Variants in CENPF observed in about 807,000 individuals in gnomAD.
CENPF encodes centromere protein F, also known as AH antigen.
In CENPF, 214 loss-of-function variants were observed where a neutral mutation model predicts 307.3. That is an observed-to-expected ratio of 0.70 (90% CI 0.62 to 0.78). The LOEUF (loss-of-function observed/expected upper bound fraction) is 0.78. CENPF is among the 30% of genes least tolerant of loss of function. The pLI, the probability that CENPF is intolerant of heterozygous loss-of-function variation, is 0.00. For missense variants in CENPF, 3,401 were observed against 3,483.9 expected, an observed-to-expected ratio of 0.98 and a Z score of 0.60; for synonymous variants, 1,259 against 1,270.6, an observed-to-expected ratio of 0.99 and a Z score of 0.19.
intron 1 of CENPF, among the ~76,000 whole-genome samples, chr1:214,611,175 T>C (rs1657190905): frequency 6.6e-6 from 1 of 152,220 alleles, no homozygotes; most frequent in Admixed American, 6.5e-5. Context: ...TTATTTTTGG[T>C]TCCATATCAA....
intron 17 of CENPF, among the ~76,000 whole-genome samples, chr1:214,656,122 G>T (rs970937772): frequency 6.6e-6 from 1 of 152,298 alleles, no homozygotes; most frequent in Admixed American, 6.5e-5. Flanking sequence ...AAGGGAACGG[G>T]TGAGGGTGGG....
At chr1:214,662,660 G>A (rs1658817589) in intron 19 of CENPF, among the ~76,000 whole-genome samples, 1 of 152,232 alleles carries the variant, frequency 6.6e-6, no homozygotes, top group South Asian at 2.1e-4. Flanking sequence ...CTCTTTGAAA[G>A]ATCTTCCTAC....
Position 214,632,470 on chromosome 1 carries a change from C to A in CENPF, c.1324-10C>A, listed in dbSNP as rs1334102374. 3 of 1,604,092 alleles carry A rather than the reference C, an allele frequency of 1.9e-6. No individual in the cohort carries two copies. Among genetic ancestry groups the A allele is most frequent in the Non-Finnish European group, 1.7e-6 (2 of 1,177,208 alleles). ...TGAAAATGAAACTTGGTCTCTTTTT[C>A]TTTTTGTAGCTCACATCAGTAAAGC... On this transcript the variant is annotated splice_polypyrimidine_tract_variant and intron_variant, in intron 9 of 19. Transcript: ENST00000366955.
intron 1 of CENPF, among the ~76,000 whole-genome samples, chr1:214,611,041 G>A (rs1429829137): frequency 6.6e-6 from 1 of 152,078 alleles, no homozygotes; most frequent in African/African-American, 2.4e-5. Context: ...TGGTCTATGT[G>A]TCTGATTTTG....
chr1:214,605,609 G>C (rs1261169241), intron 1 of CENPF: 1 of 1,377,490 alleles, frequency 7.3e-7, no homozygotes, highest in African/African-American at 1.4e-5. Flanking sequence ...CAGCCCCTGG[G>C]GGGCCGGCGC....
In CENPF at chr1:214,647,102, A is replaced by C; in HGVS notation, c.7532A>C (p.Glu2511Ala). ...SSVNGLIQEV[E>A]DGKQKLEKKD... ...GTGAATGGCCTCATTCAAGAAGTAG[A>C]AGATGGCAAGCAGAAACTGGAGAAG... The change falls in exon 13 of 20, where the codon GAA (glutamate) becomes GCA (alanine). Residue 2511 changes from glutamate to alanine, a missense_variant. By Grantham distance (107) the Glu-to-Ala change is moderately radical. Transcript: ENST00000366955. 1 of 1,614,060 alleles carries C rather than the reference A, an allele frequency of 6.2e-7. No individual in the cohort carries two copies. The highest frequency in any genetic ancestry group is 2.2e-5 in the East Asian group (1 of 44,868).
chr1:214,663,864 T>G lies in CENPF; in HGVS notation c.*70T>G, dbSNP rs955044978. 8.0e-7 allele frequency: 1 copy of G among 1,248,136 alleles called. No individual in the cohort carries two copies. The highest frequency in any genetic ancestry group is 1.1e-6 in the Non-Finnish European group (1 of 882,334). 77.3% of individuals were successfully genotyped at this position (1,248,136 alleles called of 1,614,324 possible). On this transcript the variant is annotated 3_prime_UTR_variant, in exon 20 of 20. Coordinates refer to ENST00000366955, the MANE Select transcript of CENPF (RefSeq NM_016343.4). ...ATAGATAAGGCTGTGCCTACAGGAC[T>G]TCTCTTTAGTCAGGGCATGCTTTAT...
chr1:214,648,871 T>C (rs749621935), intron 14 of CENPF, 44 bp downstream of exon 14: 2 of 1,579,946 alleles, frequency 1.3e-6, no homozygotes, highest in South Asian at 2.3e-5. Flanking sequence ...TGTTAATTCA[T>C]TGTGCACACT....
chr1:214,646,420 G>C lies in CENPF; in HGVS notation c.6850G>C (p.Ala2284Pro). The change falls in exon 13 of 20, where the codon GCC becomes CCC. Residue 2284 changes from alanine to proline, a missense_variant. Transcript: ENST00000366955. ...ALCGDQEIMK[A>P]TEQSLDPPIE... is the part of the protein sequence containing the mutation. ...GTGTGGTGACCAAGAAATTATGAAG[G>C]CCACAGAACAGAGTCTAGACCCACC... The C allele has an allele frequency of 1.2e-6, 2 of 1,614,098 alleles. No homozygotes were observed. The highest frequency in any genetic ancestry group is 1.7e-6 in the Non-Finnish European group (2 of 1,180,008).
At chr1:214,647,529 G>C in intron 13 of CENPF, 129 bp downstream of exon 13, 2 of 1,058,830 alleles carry the variant, frequency 1.9e-6, no homozygotes, top group Non-Finnish European at 1.3e-6. Context: ...CTTTGTAAAG[G>C]CTTTATGTTT....
intron 13 of CENPF, 68 bp downstream of exon 13, chr1:214,647,468 A>G (rs966768761): frequency 1.4e-6 from 2 of 1,474,566 alleles, no homozygotes; most frequent in Non-Finnish European, 1.8e-6. Flanking sequence ...TTTCTTCTAG[A>G]CACTGTGAAT....
chr1:214,609,239 A>G (rs1485065788), intron 1 of CENPF, among the ~76,000 whole-genome samples: 1 of 152,138 alleles, frequency 6.6e-6, no homozygotes, highest in Non-Finnish European at 1.5e-5. Context: ...GTTGTACTGT[A>G]TATGTCTTTC....
intron 19 of CENPF, among the ~76,000 whole-genome samples, chr1:214,661,913 G>GT (rs1658797307): frequency 6.6e-6 from 1 of 151,720 alleles, no homozygotes; most frequent in African/African-American, 2.4e-5. Flanking sequence ...CTAGGAGGAT[G>GT]TACTATCTTA....
rs141403573 is a variant in CENPF, at chr1:214,664,380, G to A, written c.*586G>A. The A allele has an allele frequency of 0.017, 2,651 of 152,640 alleles. 41 individuals carry two copies. The highest frequency in any genetic ancestry group is 0.023 in the Non-Finnish European group (1,571 of 68,292). The allele number at this position is 152,640 out of a possible 1,614,324, so 9.5% of individuals were successfully genotyped here. A position where few individuals can be genotyped will look rare whatever the true frequency, so the allele number is the denominator to read the frequency against. On this transcript the variant is annotated 3_prime_UTR_variant, in exon 20 of 20. Transcript: ENST00000366955. The stretch of plus-strand genomic sequence containing the variant: ...TTATGAAACCTGTACATATGTGTGT[G>A]TGGGTATGTGTTTATTTCCAGTGAG...
intron 1 of CENPF, among the ~76,000 whole-genome samples, chr1:214,609,042 C>G (rs999546859): frequency 3.3e-5 from 5 of 151,718 alleles, no homozygotes; most frequent in Non-Finnish European, 7.4e-5. Context: ...CAGGGAGCCT[C>G]GCAACCACAG....
rs748737980 is a variant in CENPF, at chr1:214,646,728, T to A, written c.7158T>A (p.Asp2386Glu). 1 of 1,613,890 alleles carries A rather than the reference T, an allele frequency of 6.2e-7. No individual in the cohort carries two copies. Among genetic ancestry groups the A allele is most frequent in the East Asian group, 2.2e-5 (1 of 44,878 alleles). The change falls in exon 13 of 20, where the codon GAT becomes GAA. Residue 2386 changes from aspartate to glutamate, a missense_variant. By Grantham distance (45) the Asp-to-Glu change is conservative (BLOSUM62 2). Transcript: ENST00000366955. ...MTQSLRGLEL[D>E]VVTIRSEKEN... The stretch of plus-strand genomic sequence containing the variant: ...AAAGTCTGAGAGGTCTGGAATTAGA[T>A]GTTGTTACTATAAGGTCAGAAAAAG...
At chr1:214,622,432 G>C in intron 7 of CENPF, 151 bp downstream of exon 7, 1 of 737,884 alleles carries the variant, frequency 1.4e-6, no homozygotes, top group South Asian at 2.0e-5. Context: ...CTAGAAAGCT[G>C]TTTTAAGTTG....
In CENPF at chr1:214,640,392, T is replaced by C; in HGVS notation, c.2054T>C (p.Val685Ala). 1 of 1,613,980 alleles carries C rather than the reference T, an allele frequency of 6.2e-7. No homozygotes were observed. Among genetic ancestry groups the C allele is most frequent in the Non-Finnish European group, 8.5e-7 (1 of 1,179,990 alleles). ...GTCGAGATCAGAAACCTTCACAACG[T>C]GTTAGACAGTAAGTCAGTGGAGGTA... is the stretch of plus-strand genomic sequence containing the variant. ...LSVEIRNLHNVLDSKSVEVET... is the reference protein window; with the variant it reads ...LSVEIRNLHNALDSKSVEVET... The change falls in exon 12 of 20, where the codon GTG becomes GCG. Residue 685 changes from valine (V) to alanine (A), a missense_variant. Transcript: ENST00000366955.
chr1:214,609,438 A>G (rs1657141141), intron 1 of CENPF, among the ~76,000 whole-genome samples: 1 of 152,174 alleles, frequency 6.6e-6, no homozygotes, highest in Admixed American at 6.5e-5. Context: ...ATCTCAGAAA[A>G]GTTTCCCAGA....
Sources: gnomAD v4.1 joint callset for allele counts (sites outside exome capture counted in the v4.1 genomes callset) on GRCh38, gnomAD v4.1.1 for gene constraint, MANE v1.5 for transcripts, NCBI Gene and HGNC (gene_info 2026-07-23, HGNC 2026-07-21) for gene names.